Variants in GABBR2 observed in about 807,000 individuals in gnomAD.
The protein encoded by GABBR2 is gamma-aminobutyric acid type B receptor subunit 2.
In GABBR2, 23 loss-of-function variants were observed where a neutral mutation model predicts 105.6. The observed-to-expected ratio is 0.22, with a 90% CI of 0.16 to 0.31. The LOEUF (loss-of-function observed/expected upper bound fraction) is 0.31. Among genes scored for constraint, GABBR2 ranks in the 10% least tolerant of loss-of-function variants. GABBR2 has a pLI of 1.00. For missense variants in GABBR2, 734 were observed against 1,245.5 expected, an observed-to-expected ratio of 0.59 and a Z score of 6.18; for synonymous variants, 478 against 499.7, an observed-to-expected ratio of 0.96 and a Z score of 0.58.
rs142156770 is a variant in GABBR2, at chr9:98,553,670, C to T, written c.460-11627G>A. Among the ~76,000 whole-genome samples the T allele has an allele frequency of 1.1e-3, 164 of 152,296 alleles. 4 individuals are homozygous for T. The East Asian group carries it at 0.031, about 29-fold the overall frequency. ...TCTTGAAATTATGAAATAATGAGCA[C>T]GTACCGTGGAGCAAGCACTGCATGA... On this transcript the variant is annotated intron_variant, in intron 2 of 18. Transcript: ENST00000259455.
chr9:98,668,347 C>G (rs1486154958), intron 1 of GABBR2, among the ~76,000 whole-genome samples: 1 of 152,142 alleles, frequency 6.6e-6, no homozygotes, highest in African/African-American at 2.4e-5. Flanking sequence ...CTTAGGCAAG[C>G]CCTGCAGCGT....
chr9:98,482,108 C>A (rs553126493), intron 4 of GABBR2, among the ~76,000 whole-genome samples: 1 of 152,252 alleles, frequency 6.6e-6, no homozygotes, highest in African/African-American at 2.4e-5. Flanking sequence ...GAGGCCCAGC[C>A]TTGCAGGTGG....
At position 98,390,375 on chromosome 9, in the gene GABBR2, C is replaced by CAA. The variant is rs61216428; in HGVS notation, c.1379-1373_1379-1372dup. On this transcript the variant is annotated intron_variant, in intron 9 of 18. Coordinates refer to ENST00000259455, the MANE Select transcript of GABBR2 (RefSeq NM_005458.8). The stretch of plus-strand genomic sequence containing the variant: ...GGTGACAGAGCAAGACTCCATCTCA[C>CAA]AAAAAAAAAAAAAAAAAAAAAAAAA... Among the ~76,000 whole-genome samples, 273 of 32,426 alleles carry CAA rather than the reference C, an allele frequency of 8.4e-3. 36 individuals carry two copies. Among genetic ancestry groups the CAA allele is most frequent in the Middle Eastern group, 0.022 (1 of 46 alleles). 21.3% of individuals were successfully genotyped at this position (32,426 alleles called of 152,430 possible).
chr9:98,522,950 T>A (rs1185837024), intron 3 of GABBR2, among the ~76,000 whole-genome samples: 1 of 152,166 alleles, frequency 6.6e-6, no homozygotes, highest in African/African-American at 2.4e-5. Flanking sequence ...AGTGTACTGA[T>A]TTATGTAACT....
intron 13 of GABBR2, among the ~76,000 whole-genome samples, chr9:98,330,091 C>T (rs1022649242): frequency 2.6e-5 from 4 of 152,136 alleles, no homozygotes; most frequent in Non-Finnish European, 5.9e-5. Flanking sequence ...CTCTCCAGTG[C>T]CTCCAGGTTA....
intron 8 of GABBR2, among the ~76,000 whole-genome samples, chr9:98,404,934 G>A (rs1832462853): frequency 6.6e-6 from 1 of 151,824 alleles, no homozygotes; most frequent in Non-Finnish European, 1.5e-5. Flanking sequence ...TGAAGACATC[G>A]TTGAGATGAT....
At chr9:98,524,894 G>A (rs1827929870) in intron 3 of GABBR2, among the ~76,000 whole-genome samples, 1 of 152,128 alleles carries the variant, frequency 6.6e-6, no homozygotes, top group African/African-American at 2.4e-5. Context: ...CAACAAGGGT[G>A]CCAAGACCAT....
chr9:98,311,149 G>A lies in GABBR2; in HGVS notation c.1950C>T (p.Asn650=), dbSNP rs765315126. Residue 650 remains asparagine (N), a synonymous_variant, in exon 14 of 19, where the codon AAC becomes AAT. Transcript: ENST00000259455. ...SIRPLLEHCE[N]THMTIWLGIV... is the part of the protein sequence containing the mutation. ...TGCCAAGCCAGATGGTCATATGGGT[G>A]TTCTCACAGTGCTCCAGGAGAGGGC... 131 of 1,613,788 alleles carry A rather than the reference G, an allele frequency of 8.1e-5. No individual in the cohort carries two copies. In the Middle Eastern group the frequency reaches 8.3e-4, roughly 10 times the overall value.
At position 98,436,380 on chromosome 9, in the gene GABBR2, T is replaced by TAG. The variant is rs1288172302; in HGVS notation, c.1236+17600_1236+17601insCT. Among the ~76,000 whole-genome samples, 23 of 53,478 alleles carry TAG rather than the reference T, an allele frequency of 4.3e-4. 2 individuals are homozygous for TAG. The highest frequency in any genetic ancestry group is 2.4e-3 in the African/African-American group (22 of 9,276). 35.1% of individuals were successfully genotyped at this position (53,478 alleles called of 152,430 possible). A position where few individuals can be genotyped will look rare whatever the true frequency, so the allele number is the denominator to read the frequency against. On this transcript the variant is annotated intron_variant, in intron 7 of 18. Transcript: ENST00000259455. The stretch of plus-strand genomic sequence containing the variant: ...ATATATATATATATATATATATATA[T>TAG]ATATATATATATATATATATATATA...
chr9:98,474,582 G>A (rs1196387921), intron 5 of GABBR2, among the ~76,000 whole-genome samples: 5 of 152,122 alleles, frequency 3.3e-5, no homozygotes, highest in South Asian at 2.1e-4. Flanking sequence ...CAATCCTTCC[G>A]TTCAATCCTG....
intron 2 of GABBR2, among the ~76,000 whole-genome samples, chr9:98,577,228 AGCAAAAAAGTAAACATG>A (rs1828931758): frequency 3.3e-5 from 5 of 151,086 alleles, no homozygotes; most frequent in East Asian, 1.9e-4. Context: ...GGATGGATGG[AGCAAAAAAGTAAACATG>A]TGTATGGGCC....
chr9:98,516,288 A>C (rs1270049947), intron 3 of GABBR2: 1 of 152,260 alleles, frequency 6.6e-6, no homozygotes, highest in East Asian at 1.9e-4. Flanking sequence ...CAAGGTCTGC[A>C]AAGGGAGCCC....
Position 98,335,770 on chromosome 9 carries a change from A to G in GABBR2, c.1894-24565T>C, listed in dbSNP as rs1831104270. On this transcript the variant is annotated intron_variant, in intron 13 of 18. Transcript: ENST00000259455. Reference sequence around the variant, plus strand: ...ATTCATCCAATAGTTCAATCCAGCTACTGAGCAACCACATTACCTACTCAG... The same window carrying G: ...ATTCATCCAATAGTTCAATCCAGCTGCTGAGCAACCACATTACCTACTCAG... Among the ~76,000 whole-genome samples the G allele has an allele frequency of 2.0e-5, 3 of 152,224 alleles. No individual in the cohort carries two copies. In the South Asian group the frequency reaches 6.2e-4, roughly 32 times the overall value.
intron 13 of GABBR2, among the ~76,000 whole-genome samples, chr9:98,356,171 A>G (rs1831480408): frequency 6.6e-6 from 1 of 152,250 alleles, no homozygotes; most frequent in African/African-American, 2.4e-5. Flanking sequence ...ATGATCCATG[A>G]AAGAAAAAAG....
At chr9:98,532,783 G>A (rs1344593956) in intron 3 of GABBR2, among the ~76,000 whole-genome samples, 2 of 152,172 alleles carry the variant, frequency 1.3e-5, no homozygotes, top group East Asian at 3.9e-4. Context: ...AGAACGACTG[G>A]TGTAGAAGTC....
intron 1 of GABBR2, among the ~76,000 whole-genome samples, chr9:98,643,287 T>C (rs1322114340): frequency 2.6e-5 from 4 of 152,184 alleles, no homozygotes; most frequent in Admixed American, 2.6e-4. Context: ...CCAAGAGCGA[T>C]GGATGGGGCA....
intron 2 of GABBR2, among the ~76,000 whole-genome samples, chr9:98,542,681 C>T (rs1006913777): frequency 1.3e-5 from 2 of 152,092 alleles, no homozygotes; most frequent in Non-Finnish European, 1.5e-5. Context: ...AACATTTTAT[C>T]GGTTTGCAAA....
intron 6 of GABBR2, among the ~76,000 whole-genome samples, chr9:98,465,261 T>C (rs2131619588): frequency 6.7e-6 from 1 of 149,286 alleles, no homozygotes; most frequent in Non-Finnish European, 1.5e-5. Context: ...ACAAAAGTAA[T>C]ATGGCGGCAC....
chr9:98,297,293 A>G (rs528174444), intron 17 of GABBR2, among the ~76,000 whole-genome samples: 2 of 152,318 alleles, frequency 1.3e-5, no homozygotes, highest in South Asian at 4.1e-4. Context: ...TGCTACTGTA[A>G]TAAGACCACT....
Sources: gnomAD v4.1 joint callset for allele counts (sites outside exome capture counted in the v4.1 genomes callset) on GRCh38, gnomAD v4.1.1 for gene constraint, MANE v1.5 for transcripts, NCBI Gene and HGNC (gene_info 2026-07-23, HGNC 2026-07-21) for gene names.